Variants in USP10 observed in about 807,000 individuals in gnomAD.
The protein encoded by USP10 is ubiquitin specific peptidase 10, also known as ubiquitin carboxyl-terminal hydrolase 10.
USP10 carries 22 observed loss-of-function variants against 84.5 expected under a neutral mutation model. The observed-to-expected ratio is 0.26, with a 90% CI of 0.19 to 0.37. The LOEUF is 0.37. Ranked by LOEUF, USP10 falls within the 10% of genes least tolerant of loss-of-function variation. The pLI, the probability that USP10 is intolerant of heterozygous loss-of-function variation, is 1.00. For synonymous variants in USP10, 454 were observed against 387.6 expected (o/e 1.17, Z -2.01); for missense variants, 1,019 against 998.9 (o/e 1.02, Z -0.27).
intron 1 of USP10, chr16:84,704,750 A>G (rs1905260151): frequency 2.6e-6 from 4 of 1,533,022 alleles, no homozygotes; most frequent in Admixed American, 2.0e-5. Context: ...CTCCTGGGCC[A>G]TGATCCCATT....
chr16:84,728,863 A>G (rs995057822), intron 1 of USP10, among the ~76,000 whole-genome samples: 1 of 151,962 alleles, frequency 6.6e-6, no homozygotes, highest in Non-Finnish European at 1.5e-5. Context: ...TAGTGGCACC[A>G]TCTTGGCTCA....
At chr16:84,757,398 TGGGG>T (rs58027755) in intron 4 of USP10, among the ~76,000 whole-genome samples, 11,020 of 86,400 alleles carry the variant, frequency 0.13, 489 homozygotes, top group East Asian at 0.22. Context: ...ATGAGAGGGG[TGGGG>T]GTGTGTGTGT....
At chr16:84,700,723 G>A (rs1017923449) in intron 1 of USP10, among the ~76,000 whole-genome samples, 3 of 152,154 alleles carry the variant, frequency 2.0e-5, no homozygotes, top group African/African-American at 7.2e-5. Flanking sequence ...ACTTTCACTT[G>A]CGTTTGAGTG....
intron 4 of USP10, among the ~76,000 whole-genome samples, chr16:84,754,406 A>G (rs1478170275): frequency 6.6e-6 from 1 of 152,200 alleles, no homozygotes; most frequent in Non-Finnish European, 1.5e-5. Flanking sequence ...ACGTCGTACC[A>G]GAATGGCCTT....
chr16:84,747,210 C>G (rs1459659052), intron 4 of USP10, among the ~76,000 whole-genome samples: 2 of 152,168 alleles, frequency 1.3e-5, no homozygotes, highest in Non-Finnish European at 1.5e-5. Context: ...GATTGTCACC[C>G]TAGTAGCCAA....
intron 2 of USP10, among the ~76,000 whole-genome samples, chr16:84,735,987 G>A (rs1318489832): frequency 6.6e-6 from 1 of 151,814 alleles, no homozygotes; most frequent in East Asian, 2.0e-4. Context: ...TGAGTGGCGA[G>A]GGCGTGTCAC....
intron 2 of USP10, among the ~76,000 whole-genome samples, chr16:84,736,651 G>C (rs1226960759): frequency 6.6e-6 from 1 of 152,200 alleles, no homozygotes; most frequent in East Asian, 1.9e-4. Context: ...CAGAATCTCA[G>C]CTTTGGAAGT....
intron 1 of USP10, among the ~76,000 whole-genome samples, chr16:84,722,724 T>C (rs991266984): frequency 1.3e-5 from 2 of 152,120 alleles, no homozygotes; most frequent in African/African-American, 4.8e-5. Flanking sequence ...CACGCCCAGC[T>C]AATTTTTGTA....
rs1911530851 is a variant in USP10 at position 84,748,581 on chromosome 16, G to A, written c.1192+2908G>A. 2.0e-5 allele frequency among the ~76,000 whole-genome samples: 3 copies of A among 152,150 alleles called. No homozygotes were observed. The South Asian group carries it at 6.2e-4, about 32-fold the overall frequency. ...AGCCTCTCAAAGTGCTGAGATTACA[G>A]GCGTGAGCCACCGCGCCCAGCTGAG... is the stretch of plus-strand genomic sequence containing the variant. On this transcript the variant is annotated intron_variant, in intron 4 of 13. Coordinates refer to ENST00000219473, the MANE Select transcript of USP10 (RefSeq NM_005153.3).
chr16:84,777,889 C>G (rs767542093), intron 13 of USP10, among the ~76,000 whole-genome samples: 7 of 152,224 alleles, frequency 4.6e-5, no homozygotes, highest in Non-Finnish European at 7.3e-5. Context: ...CCTGTCATTC[C>G]CCGCGGAATG....
chr16:84,700,792 A>G (rs531207579), intron 1 of USP10, among the ~76,000 whole-genome samples: 2 of 152,166 alleles, frequency 1.3e-5, no homozygotes, highest in Non-Finnish European at 2.9e-5. Flanking sequence ...CTGCCTGAAC[A>G]GTAGCTAAAG....
At position 84,744,966 on chromosome 16, in the gene USP10, A is replaced by G. The variant is rs375384005; in HGVS notation, c.485A>G (p.Tyr162Cys). The G allele has an allele frequency of 2.5e-6, 4 of 1,613,714 alleles. No homozygotes were observed. Among genetic ancestry groups the G allele is most frequent in the African/African-American group, 2.7e-5 (2 of 74,946 alleles). Residue 162 changes from tyrosine (Y) to cysteine (C), a missense_variant, in exon 4 of 14, where the codon TAT becomes TGT. Physicochemically the swap from Tyr to Cys is radical, Grantham distance 194. Coordinates refer to ENST00000219473, the MANE Select transcript of USP10 (RefSeq NM_005153.3). ...KKKRPPGYYS[Y>C]LKDGGDDSIS... ...AAGCGGCCACCTGGATATTACAGCT[A>G]TTTGAAAGATGGTGGCGATGATAGT...
At chr16:84,764,939 A>AAAAATATATATATATAT (rs370383030) in intron 10 of USP10, among the ~76,000 whole-genome samples, 3 of 132,258 alleles carry the variant, frequency 2.3e-5, no homozygotes, top group African/African-American at 8.4e-5. Context: ...GAGAAAAAAA[A>AAAAATATATATATATAT]ATATATATAT....
chr16:84,769,710 C>G (rs1020318247), intron 11 of USP10, among the ~76,000 whole-genome samples: 1 of 152,148 alleles, frequency 6.6e-6, no homozygotes, highest in Non-Finnish European at 1.5e-5. Flanking sequence ...TCTTTGGCCA[C>G]CCATGCTGTT....
chr16:84,722,709 T>C (rs1400087032), intron 1 of USP10, among the ~76,000 whole-genome samples: 1 of 151,802 alleles, frequency 6.6e-6, no homozygotes, highest in Non-Finnish European at 1.5e-5. Context: ...ACAGGCAGAC[T>C]CCCCCACGCC....
intron 2 of USP10, among the ~76,000 whole-genome samples, chr16:84,735,605 C>T (rs1038942264): frequency 6.6e-6 from 1 of 151,902 alleles, no homozygotes. Context: ...ATGTATGGTC[C>T]GATAACTAGT....
chr16:84,774,287 C>T (rs1019850547), intron 12 of USP10, among the ~76,000 whole-genome samples: 2 of 151,990 alleles, frequency 1.3e-5, no homozygotes, highest in Non-Finnish European at 2.9e-5. Context: ...GAGGACCTCA[C>T]TTGGGTCATG....
intron 4 of USP10, among the ~76,000 whole-genome samples, chr16:84,747,016 G>T (rs1911305002): frequency 6.6e-6 from 1 of 152,126 alleles, no homozygotes; most frequent in South Asian, 2.1e-4. Context: ...GCCTGCACAG[G>T]GTCAGGAGCA....
chr16:84,721,101 A>T (rs1054520472), intron 1 of USP10, among the ~76,000 whole-genome samples: 7 of 151,942 alleles, frequency 4.6e-5, no homozygotes, highest in Admixed American at 2.6e-4. Context: ...ACCACTGGCC[A>T]GGCTGGTCTT....
Sources: allele counts gnomAD v4.1 joint callset (sites outside exome capture counted in the v4.1 genomes callset), GRCh38; gene constraint gnomAD v4.1.1; transcripts MANE v1.5; gene names NCBI Gene and HGNC (gene_info 2026-07-23, HGNC 2026-07-21).